Variants in LUZP2 observed in about 807,000 individuals in gnomAD.
LUZP2 encodes leucine zipper protein 2.
A neutral mutation model predicts 51.6 loss-of-function variants in LUZP2; 52 were observed. That is an observed-to-expected ratio of 1.01 (90% confidence interval 0.81 to 1.27). The LOEUF is 1.27. LUZP2 is among the 50% of genes most tolerant of loss of function. The pLI, the probability that LUZP2 is intolerant of heterozygous loss-of-function variation, is 0.00. For missense variants in LUZP2, 436 were observed against 395.4 expected (o/e 1.10, Z -0.87); for synonymous variants, 154 against 137.3 (o/e 1.12, Z -0.85).
At chr11:24,831,892 G>C (rs933790493) in intron 5 of LUZP2, 7 of 152,472 alleles carry the variant, frequency 4.6e-5, no homozygotes, top group African/African-American at 1.7e-4. Flanking sequence ...ATTTTGTGAT[G>C]CTGATCTGTA....
intron 1 of LUZP2, among the ~76,000 whole-genome samples, chr11:24,572,040 T>C (rs1308399410): frequency 6.6e-6 from 1 of 151,934 alleles, no homozygotes; most frequent in African/African-American, 2.4e-5. Context: ...GATTTATGTG[T>C]ATGTGGAGCA....
At position 24,884,251 on chromosome 11, in the gene LUZP2, T is replaced by C. The variant is rs574165498; in HGVS notation, c.397-21740T>C. Reference sequence around the variant, plus strand: ...GGATTAGACACTCAAAGCCAAATTTTAAGTGTATGTACATTTTGACCATAA... The same window carrying C: ...GGATTAGACACTCAAAGCCAAATTTCAAGTGTATGTACATTTTGACCATAA... On this transcript the variant is annotated intron_variant, in intron 5 of 11. Transcript: ENST00000336930. Among the ~76,000 whole-genome samples the C allele has an allele frequency of 2.0e-5, 3 of 152,140 alleles. No individual in the cohort carries two copies. In the South Asian group the frequency reaches 6.2e-4, roughly 32 times the overall value.
intron 1 of LUZP2, among the ~76,000 whole-genome samples, chr11:24,716,058 T>C (rs1339295907): frequency 3.3e-5 from 5 of 152,198 alleles, no homozygotes; most frequent in Non-Finnish European, 7.3e-5. Context: ...TATTGTAAAA[T>C]GTCTACCACA....
intron 7 of LUZP2, among the ~76,000 whole-genome samples, chr11:24,917,994 G>A (rs1482238181): frequency 2.0e-5 from 3 of 151,842 alleles, no homozygotes; most frequent in Admixed American, 6.6e-5. Context: ...ATTTGTTTGT[G>A]TCCTCTTTTA....
chr11:24,695,415 T>C (rs1053306232), intron 1 of LUZP2, among the ~76,000 whole-genome samples: 1 of 152,004 alleles, frequency 6.6e-6, no homozygotes, highest in Non-Finnish European at 1.5e-5. Flanking sequence ...ATGATAAAAT[T>C]ATGGTACTCA....
intron 5 of LUZP2, among the ~76,000 whole-genome samples, chr11:24,865,666 A>C (rs759154603): frequency 2.6e-5 from 4 of 151,944 alleles, no homozygotes; most frequent in Non-Finnish European, 4.4e-5. Flanking sequence ...TGTCTTCACC[A>C]AATACATTTG....
At chr11:24,508,636 A>G (rs528400472) in intron 1 of LUZP2, among the ~76,000 whole-genome samples, 47 of 152,234 alleles carry the variant, frequency 3.1e-4, no homozygotes, top group Admixed American at 5.2e-4. Flanking sequence ...ATAGCTTGGT[A>G]TCTTCTACTT....
intron 1 of LUZP2, among the ~76,000 whole-genome samples, chr11:24,727,785 C>G (rs746351571): frequency 2.6e-5 from 4 of 151,772 alleles, no homozygotes; most frequent in Non-Finnish European, 5.9e-5. Context: ...TAGCAATGGG[C>G]CATTCCGATT....
At chr11:24,867,103 CAG>C (rs1377482201) in intron 5 of LUZP2, among the ~76,000 whole-genome samples, 2 of 151,922 alleles carry the variant, frequency 1.3e-5, no homozygotes, top group Non-Finnish European at 2.9e-5. Context: ...AATTATGGAC[CAG>C]AGTCTTTCTT....
chr11:25,051,602 C>T (rs2403996), intron 10 of LUZP2, among the ~76,000 whole-genome samples: 138,756 of 152,148 alleles, frequency 0.91, 63,957 homozygotes, highest in Non-Finnish European at 0.98. Flanking sequence ...CACAAAATGG[C>T]GGGATATGTG....
intron 5 of LUZP2, among the ~76,000 whole-genome samples, chr11:24,867,986 G>GT (rs1353931146): frequency 1.3e-5 from 2 of 152,110 alleles, no homozygotes; most frequent in African/African-American, 2.4e-5. Flanking sequence ...TATATAGAAT[G>GT]TAAGTTTTCT....
chr11:24,722,715 C>T (rs1452798271), intron 1 of LUZP2, among the ~76,000 whole-genome samples: 4 of 151,942 alleles, frequency 2.6e-5, no homozygotes, highest in East Asian at 1.9e-4. Flanking sequence ...GTCAGGAGTT[C>T]GAGACCAGCC....
chr11:24,521,151 G>A (rs1398956995), intron 1 of LUZP2, among the ~76,000 whole-genome samples: 1 of 152,104 alleles, frequency 6.6e-6, no homozygotes, highest in Non-Finnish European at 1.5e-5. Context: ...AGAAGTTTGG[G>A]ACCAGCTTAG....
At chr11:24,531,229 T>C (rs928209772) in intron 1 of LUZP2, among the ~76,000 whole-genome samples, 1 of 150,606 alleles carries the variant, frequency 6.6e-6, no homozygotes, top group Admixed American at 6.7e-5. Flanking sequence ...ATTCTGGTAA[T>C]TGAAGTCGAA....
intron 9 of LUZP2, among the ~76,000 whole-genome samples, chr11:24,988,033 T>C (rs1479794989): frequency 6.6e-6 from 1 of 151,996 alleles, no homozygotes; most frequent in Non-Finnish European, 1.5e-5. Flanking sequence ...AAGATCCTTA[T>C]TTTAGAAATG....
intron 9 of LUZP2, among the ~76,000 whole-genome samples, chr11:24,987,230 T>C (rs1856213657): frequency 1.3e-5 from 2 of 151,992 alleles, no homozygotes; most frequent in South Asian, 4.1e-4. Context: ...TTTAGTGGGA[T>C]GTTACTTTAA....
At chr11:25,050,243 T>C (rs531717780) in intron 10 of LUZP2, 113 bp downstream of exon 10, 1 of 367,812 alleles carries the variant, frequency 2.7e-6, no homozygotes, top group East Asian at 4.3e-5. Context: ...ATATCTACTA[T>C]CTAAGGATTG....
chr11:25,034,110 A>G (rs2404008), intron 9 of LUZP2, among the ~76,000 whole-genome samples: 1 of 151,964 alleles, frequency 6.6e-6, no homozygotes, highest in African/African-American at 2.4e-5. Flanking sequence ...TGACTTTTTA[A>G]TAATAGCCAT....
At chr11:24,987,585 A>G (rs957335574) in intron 9 of LUZP2, among the ~76,000 whole-genome samples, 4 of 151,866 alleles carry the variant, frequency 2.6e-5, no homozygotes, top group Non-Finnish European at 5.9e-5. Flanking sequence ...CAACTGTGGT[A>G]TCTACTTAAT....
Sources: gnomAD v4.1 joint callset for allele counts (sites outside exome capture counted in the v4.1 genomes callset) on GRCh38, gnomAD v4.1.1 for gene constraint, MANE v1.5 for transcripts, NCBI Gene and HGNC (gene_info 2026-07-23, HGNC 2026-07-21) for gene names.